Variants in FANCA observed in about 807,000 individuals in gnomAD.
The protein encoded by FANCA is Fanconi anemia group A protein.
In FANCA, 236 loss-of-function variants were observed where a neutral mutation model predicts 194.3. The ratio of observed to expected loss-of-function variants is 1.21; its 90% CI spans 1.09 to 1.35. The LOEUF (loss-of-function observed/expected upper bound fraction) is 1.35, where lower values mean the gene tolerates loss of function less well. FANCA is among the 40% of genes most tolerant of loss of function. FANCA has a pLI of 0.00. For missense variants in FANCA, 2,628 were observed against 1,813.9 expected, an observed-to-expected ratio of 1.45 and a Z score of -8.15; for synonymous variants, 1,014 against 715.8, an observed-to-expected ratio of 1.42 and a Z score of -6.65.
At position 89,789,890 on chromosome 16, in the gene FANCA, G is replaced by T. The variant is rs147003584; in HGVS notation, c.1359+1513C>A. ...GGGGTTTTCACAGGGGTTGCCCAGG[G>T]ATCCCTGAGGTCTCAGGAGCTCAGA... On this transcript the variant is annotated intron_variant, in intron 14 of 42. Transcript: ENST00000389301. 4.3e-4 allele frequency among the ~76,000 whole-genome samples: 66 copies of T among 152,210 alleles called. No individual in the cohort carries two copies. The East Asian group carries it at 0.012, about 27-fold the overall frequency.
chr16:89,764,967 C>G lies in FANCA; in HGVS notation c.2701G>C (p.Ala901Pro). The G allele has an allele frequency of 6.2e-7, 1 of 1,614,234 alleles. No homozygotes were observed. Among genetic ancestry groups the G allele is most frequent in the Non-Finnish European group, 8.5e-7 (1 of 1,180,042 alleles). The stretch of plus-strand genomic sequence containing the variant: ...GAGAGGGCAGCTCTCTGCCAGTCTG[C>G]AGAAGGAAGGTGCAAGGGTCTCCAG... Reference protein sequence around the residue: ...LSWRPLHLPSADWQRAALSLW... With the variant: ...LSWRPLHLPSPDWQRAALSLW... The change falls in exon 28 of 43, where the codon GCA becomes CCA. Residue 901 changes from alanine to proline, a missense_variant. Transcript: ENST00000389301.
chr16:89,783,140 G>C (rs898347909), intron 15 of FANCA, 38 bp from the exon 16 acceptor site: 1 of 1,500,984 alleles, frequency 6.7e-7, no homozygotes, highest in Non-Finnish European at 9.3e-7. Flanking sequence ...CGTTAGTCTG[G>C]GAACTGCCTG....
At chr16:89,764,717 C>T (rs1167596461) in intron 28 of FANCA, 173 bp downstream of exon 28, 3 of 788,990 alleles carry the variant, frequency 3.8e-6, no homozygotes, top group Non-Finnish European at 6.7e-6. Context: ...TCGGCACACG[C>T]ACCCTAGACT....
rs747718961 is a variant in FANCA, at chr16:89,783,079, C to G, written c.1494G>C (p.Leu498=). Residue 498 remains leucine, a synonymous_variant, in exon 16 of 43, where the codon CTG becomes CTC. Transcript: ENST00000389301. ...YLQVHILHPP[L]VPGKYRSLLT... ...GGAGGGAGCGGTACTTGCCGGGAACCAGGGGTGGGTGGAGAATGTGCACCT... is the reference window on the plus strand; with the variant it reads ...GGAGGGAGCGGTACTTGCCGGGAACGAGGGGTGGGTGGAGAATGTGCACCT... The G allele has an allele frequency of 3.7e-6, 6 of 1,613,644 alleles. No homozygotes were observed. Among genetic ancestry groups the G allele is most frequent in the African/African-American group, 1.3e-5 (1 of 74,884 alleles).
intron 30 of FANCA, among the ~76,000 whole-genome samples, chr16:89,757,605 A>G (rs1313426376): frequency 1.3e-5 from 2 of 152,224 alleles, no homozygotes; most frequent in Non-Finnish European, 2.9e-5. Flanking sequence ...GAAGCTGCAT[A>G]CACACTTGCC....
Position 89,749,786 on chromosome 16 carries a change from G to A in FANCA, c.3183C>T (p.Ser1061=), listed in dbSNP as rs1800346. 142 of 1,614,214 alleles carry A rather than the reference G, an allele frequency of 8.8e-5. 1 individual carries two copies. The Admixed American group carries it at 1.0e-3, about 12-fold the overall frequency. The change falls in exon 32 of 43, where the codon AGC becomes AGT. Residue 1061 remains serine (S), a synonymous_variant. Transcript: ENST00000389301. ...IFRRRLQALT[S]GWSVAASLQR... ...GAAGGCTGGCAGCCACGCTCCACCC[G>A]CTTGTCAGAGCCTGGAGCCGTCTGC...
chr16:89,787,171 G>A (rs2039926135), intron 14 of FANCA, among the ~76,000 whole-genome samples: 1 of 152,184 alleles, frequency 6.6e-6, no homozygotes, highest in Non-Finnish European at 1.5e-5. Context: ...GCTCAATCCG[G>A]TAATTCCAAC....
At chr16:89,791,269 C>T in intron 14 of FANCA, 134 bp downstream of exon 14, 1 of 1,242,718 alleles carries the variant, frequency 8.0e-7, no homozygotes, top group South Asian at 1.3e-5. Flanking sequence ...GAAGATCTGC[C>T]AAGGCCACTC....
rs540014762 is a variant in FANCA, at chr16:89,815,413, G to A, written c.189+464C>T. Among the ~76,000 whole-genome samples, 225 of 139,060 alleles carry A rather than the reference G, an allele frequency of 1.6e-3. 1 individual carries two copies. Among genetic ancestry groups the A allele is most frequent in the African/African-American group, 5.9e-3 (218 of 37,178 alleles). The allele number at this position is 139,060 out of a possible 152,430, so 91.2% of individuals were successfully genotyped here. Reference sequence around the variant, plus strand: ...ATCCAGACTGGATTGCAAGGGGCGTGATCTCGGCTCACTGCAATTTCTGCC... The same window carrying A: ...ATCCAGACTGGATTGCAAGGGGCGTAATCTCGGCTCACTGCAATTTCTGCC... On this transcript the variant is annotated intron_variant, in intron 2 of 42. Coordinates refer to ENST00000389301, the MANE Select transcript of FANCA (RefSeq NM_000135.4).
chr16:89,800,713 A>T (rs1254556773), intron 8 of FANCA, among the ~76,000 whole-genome samples: 2 of 152,130 alleles, frequency 1.3e-5, no homozygotes, highest in East Asian at 3.8e-4. Flanking sequence ...AAACATACAC[A>T]CAGACCAACG....
chr16:89,804,969 G>A (rs1210038126), intron 7 of FANCA, among the ~76,000 whole-genome samples: 1 of 152,210 alleles, frequency 6.6e-6, no homozygotes, highest in East Asian at 1.9e-4. Flanking sequence ...CCAGGAGGCG[G>A]AGGTTGCAGT....
At chr16:89,768,144 G>T (rs2039194478) in intron 26 of FANCA, among the ~76,000 whole-genome samples, 1 of 152,130 alleles carries the variant, frequency 6.6e-6, no homozygotes, top group South Asian at 2.1e-4. Flanking sequence ...CTGGGTGTGT[G>T]GGTGTGCACC....
chr16:89,747,002 G>C (rs2038413898), intron 33 of FANCA, 112 bp from the exon 34 acceptor site: 2 of 1,056,826 alleles, frequency 1.9e-6, no homozygotes, highest in Non-Finnish European at 1.4e-6. Flanking sequence ...CTAAGGCTTG[G>C]CGTGGCCACC....
At chr16:89,780,929 C>CAA (rs374412313) in intron 17 of FANCA, among the ~76,000 whole-genome samples, 2 of 107,452 alleles carry the variant, frequency 1.9e-5, no homozygotes, top group Admixed American at 9.6e-5. Context: ...CATCCCACCT[C>CAA]AAAAAAAAAA....
Position 89,739,259 on chromosome 16 carries a change from G to T in FANCA, c.4041C>A (p.Ala1347=), listed in dbSNP as rs2062058480. Residue 1347 remains alanine (A), a synonymous_variant, in exon 41 of 43, where the codon GCC becomes GCA. Transcript: ENST00000389301. ...CATGCAGGAAGGCCTCTTCCCTGAT[G>T]GCCGCGTCTTCATGGAAGTAGGAGA... ...SLLSYFHEDA[A]IREEAFLHVA... 6.2e-7 allele frequency: 1 copy of T among 1,614,052 alleles called. No homozygotes were observed. The highest frequency in any genetic ancestry group is 8.5e-7 in the Non-Finnish European group (1 of 1,180,058).
Position 89,745,021 on chromosome 16 carries a change from G to C in FANCA, c.3564C>G (p.His1188Gln). ...GTTCCCGGGGCAGCGGGCTCTGGCA[G>C]TGTCTCCTCCACCGGCAGAGCAGCA... is the stretch of plus-strand genomic sequence containing the variant. ...EPVLLCRWRR[H>Q]CQSPLPRELQ... The change falls in exon 36 of 43, where the codon CAC becomes CAG. Residue 1188 changes from histidine to glutamine, a missense_variant. Physicochemically the swap from His to Gln is conservative, Grantham distance 24 (BLOSUM62 0). Coordinates refer to ENST00000389301, the MANE Select transcript of FANCA (RefSeq NM_000135.4). 3 of 1,610,756 alleles carry C rather than the reference G, an allele frequency of 1.9e-6. No homozygotes were observed. The highest frequency in any genetic ancestry group is 2.2e-5 in the East Asian group (1 of 44,868).
intron 21 of FANCA, among the ~76,000 whole-genome samples, chr16:89,775,219 T>C (rs76032826): frequency 0.017 from 2,603 of 152,242 alleles, 94 homozygotes; most frequent in African/African-American, 0.059. Flanking sequence ...AGCCTCATGA[T>C]GGCATCTCCC....
At chr16:89,749,186 C>G (rs1402160239) in intron 32 of FANCA, among the ~76,000 whole-genome samples, 1 of 152,160 alleles carries the variant, frequency 6.6e-6, no homozygotes, top group Non-Finnish European at 1.5e-5. Context: ...GCTCCTTCTG[C>G]GACGTCCCTC....
In FANCA at chr16:89,765,112, A is replaced by T. The variant is rs11076620; in HGVS notation, c.2602-46T>A. Reference sequence around the variant, plus strand: ...GCCGTTTCTTCATTGCGCAAGTTTCACTGTGAGTGGCTGAGCAAATGCTCA... The same window carrying T: ...GCCGTTTCTTCATTGCGCAAGTTTCTCTGTGAGTGGCTGAGCAAATGCTCA... On this transcript the variant is annotated intron_variant, in intron 27 of 42. Coordinates refer to ENST00000389301, the MANE Select transcript of FANCA (RefSeq NM_000135.4). The T allele has an allele frequency of 0.077, 124,189 of 1,606,892 alleles. 5,753 individuals carry two copies. Among genetic ancestry groups the T allele is most frequent in the East Asian group, 0.17 (7,557 of 44,752 alleles).
Sources: allele counts gnomAD v4.1 joint callset (sites outside exome capture counted in the v4.1 genomes callset), GRCh38; gene constraint gnomAD v4.1.1; transcripts MANE v1.5; gene names NCBI Gene and HGNC (gene_info 2026-07-23, HGNC 2026-07-21).